SNRNP70: variants seen among roughly 807,000 people sequenced by gnomAD.
SNRNP70 encodes U1 small nuclear ribonucleoprotein 70 kDa.
In SNRNP70, 8 loss-of-function variants were observed where a neutral mutation model predicts 50.5. That is an observed-to-expected ratio of 0.16 (90% CI 0.09 to 0.29). The LOEUF (loss-of-function observed/expected upper bound fraction) is 0.29. Ranked by LOEUF, SNRNP70 falls within the 10% of genes least tolerant of loss-of-function variation. The pLI, the probability that SNRNP70 is intolerant of heterozygous loss-of-function variation, is 1.00. For synonymous variants in SNRNP70, 320 were observed against 252.9 expected (o/e 1.27, Z -2.52); for missense variants, 529 against 663.5 (o/e 0.80, Z 2.23).
chr19:49,095,403 A>C (rs1180235851), intron 4 of SNRNP70, among the ~76,000 whole-genome samples: 1 of 152,156 alleles, frequency 6.6e-6, no homozygotes, highest in East Asian at 1.9e-4. Context: ...ATTAAATGTT[A>C]GCATCTTGTG....
rs1400938406 is a variant in SNRNP70, at chr19:49,098,418, C to T, written c.266-9C>T. The stretch of plus-strand genomic sequence containing the variant: ...CTTCAACTTATAAAATTCCTTTCTT[C>T]CTGCACAGGGGACCCTCACAATGAT... On this transcript the variant is annotated splice_polypyrimidine_tract_variant and intron_variant, in intron 4 of 9. Coordinates refer to ENST00000598441, the MANE Select transcript of SNRNP70 (RefSeq NM_003089.6). 21 of 1,608,352 alleles carry T rather than the reference C, an allele frequency of 1.3e-5. No individual in the cohort carries two copies. Among genetic ancestry groups the T allele is most frequent in the Non-Finnish European group, 1.8e-5 (21 of 1,177,146 alleles).
chr19:49,089,587 T>G (rs2040422926), intron 2 of SNRNP70, among the ~76,000 whole-genome samples: 2 of 151,776 alleles, frequency 1.3e-5, no homozygotes, highest in African/African-American at 4.8e-5. Flanking sequence ...CTGGTTTCTG[T>G]ACTTATCACA....
chr19:49,087,885 G>C (rs1424545028), intron 2 of SNRNP70: 2 of 152,176 alleles, frequency 1.3e-5, no homozygotes, highest in Non-Finnish European at 2.9e-5. Context: ...CTTTGATGAT[G>C]CAGGTCATGT....
intron 4 of SNRNP70, among the ~76,000 whole-genome samples, chr19:49,096,950 C>T (rs894406044): frequency 3.0e-4 from 46 of 151,574 alleles, no homozygotes; most frequent in African/African-American, 8.2e-4. Context: ...GCCAACATGG[C>T]GAAACCCCAT....
At chr19:49,092,526 A>G (rs1030773218) in intron 4 of SNRNP70, among the ~76,000 whole-genome samples, 32 of 151,996 alleles carry the variant, frequency 2.1e-4, no homozygotes, top group African/African-American at 7.0e-4. Flanking sequence ...CTCCTGCCTC[A>G]GCCTTCTGAG....
At chr19:49,086,275 T>A (rs2040378228) in intron 1 of SNRNP70, 130 bp from the exon 2 acceptor site, 1 of 1,051,618 alleles carries the variant, frequency 9.5e-7, no homozygotes. Flanking sequence ...GACTGTTCTC[T>A]GCCCTTACAG....
rs1260834199 is a variant in SNRNP70 at position 49,108,137 on chromosome 19, G to GCCTGACGGC, written c.1017_1025dup (p.Asp341_Pro343dup). Reference sequence around the variant, plus strand: ...ATGATGGGCCTCCAGGGGAGCTCGGGCCTGACGGCCCTGACGGTCCAGAGG... The same window carrying GCCTGACGGC: ...ATGATGGGCCTCCAGGGGAGCTCGGGCCTGACGGCCCTGACGGCCCTGACGGTCCAGAGG... On this transcript the variant is annotated inframe_insertion, in exon 10 of 10. Coordinates refer to ENST00000598441, the MANE Select transcript of SNRNP70 (RefSeq NM_003089.6). 3.2e-6 allele frequency: 5 copies of GCCTGACGGC among 1,544,612 alleles called. No homozygotes were observed. The highest frequency in any genetic ancestry group is 4.1e-5 in the Admixed American group (2 of 48,324).
intron 4 of SNRNP70, among the ~76,000 whole-genome samples, chr19:49,095,987 A>G (rs2040507958): frequency 6.6e-6 from 1 of 151,930 alleles, no homozygotes; most frequent in Admixed American, 6.6e-5. Context: ...AAAAAAAAAA[A>G]AAAAAAAGCC....
chr19:49,090,566 C>G, intron 4 of SNRNP70, 46 bp downstream of exon 4: 1 of 1,576,132 alleles, frequency 6.3e-7, no homozygotes, highest in Non-Finnish European at 8.7e-7. Context: ...CCCAAACCCT[C>G]TGTATTCTTC....
chr19:49,104,999 C>T lies in SNRNP70; in HGVS notation c.577+264C>T, dbSNP rs1319751691. ...CGTCCGCCCTTGCTAGCTGGGGGTC[C>T]CCTTTTCCTGCCTCATTGTACTCCT... On this transcript the variant is annotated intron_variant, in intron 8 of 9. Transcript: ENST00000598441. This position sits in a 1 kb window ranked among gnomAD's most constrained non-coding sequence, Gnocchi z 5.4. 1.3e-5 allele frequency among the ~76,000 whole-genome samples: 2 copies of T among 152,152 alleles called. No individual in the cohort carries two copies. The highest frequency in any genetic ancestry group is 2.9e-5 in the Non-Finnish European group (2 of 68,036).
chr19:49,104,564 G>A lies in SNRNP70; in HGVS notation c.476-70G>A, dbSNP rs753709136. ...GGACACGGGGCGGGGATTCTGTAGAGCTGGGCCTGTCCTGACTAGAGGACC... is the reference window on the plus strand; with the variant it reads ...GGACACGGGGCGGGGATTCTGTAGAACTGGGCCTGTCCTGACTAGAGGACC... On this transcript the variant is annotated intron_variant, in intron 7 of 9. Transcript: ENST00000598441. This position sits in a 1 kb window ranked among gnomAD's most constrained non-coding sequence, Gnocchi z 5.4. The A allele has an allele frequency of 1.4e-5, 17 of 1,181,144 alleles. No individual in the cohort carries two copies. The South Asian group carries it at 2.1e-4, about 15-fold the overall frequency. 73.2% of individuals were successfully genotyped at this position (1,181,144 alleles called of 1,614,324 possible).
Position 49,098,626 on chromosome 19 carries a change from A to G in SNRNP70, c.331-16A>G. 1 of 1,612,824 alleles carries G rather than the reference A, an allele frequency of 6.2e-7. No individual in the cohort carries two copies. On this transcript the variant is annotated splice_polypyrimidine_tract_variant and intron_variant, in intron 5 of 9. Coordinates refer to ENST00000598441, the MANE Select transcript of SNRNP70 (RefSeq NM_003089.6). Reference sequence around the variant, plus strand: ...GCTCTGTTCTCCCATTTAACGTCATATCCATCTCCTTGTAGAATTATGACA... The same window carrying G: ...GCTCTGTTCTCCCATTTAACGTCATGTCCATCTCCTTGTAGAATTATGACA...
chr19:49,105,471 G>A (rs1213348045), intron 8 of SNRNP70, among the ~76,000 whole-genome samples: 1 of 152,026 alleles, frequency 6.6e-6, no homozygotes, highest in African/African-American at 2.4e-5. Flanking sequence ...TGGCTCGCCT[G>A]TAATCCCAGC....
At chr19:49,098,782 T>G in intron 6 of SNRNP70, 78 bp downstream of exon 6, 153 of 1,113,098 alleles carry the variant, frequency 1.4e-4, no homozygotes, top group Non-Finnish European at 1.9e-4. Context: ...GGGAGAGAGG[T>G]CCCAGCCCTG....
At position 49,107,491 on chromosome 19, in the gene SNRNP70, C is replaced by CG. The variant is rs1192401714; in HGVS notation, c.578-128dup. The stretch of plus-strand genomic sequence containing the variant: ...ATGGGAGTGCGCGGGATGAACTGCA[C>CG]GGGGGGACCCGGCCCTGTGAACACT... On this transcript the variant is annotated intron_variant, in intron 8 of 9. Transcript: ENST00000598441. This position sits in a 1 kb window ranked among gnomAD's most constrained non-coding sequence, Gnocchi z 6.0. The CG allele has an allele frequency of 3.9e-6, 3 of 760,326 alleles. No individual in the cohort carries two copies. The highest frequency in any genetic ancestry group is 4.5e-6 in the Non-Finnish European group (2 of 448,906). 47.1% of individuals were successfully genotyped at this position (760,326 alleles called of 1,614,324 possible).
chr19:49,093,678 CAAAAAAAAAAAA>C (rs1270724114), intron 4 of SNRNP70, among the ~76,000 whole-genome samples: 11 of 64,186 alleles, frequency 1.7e-4, no homozygotes, highest in Admixed American at 1.4e-3. Context: ...GATTCCATCT[CAAAAAAAAAAAA>C]AACAAAAAAA....
chr19:49,104,824 C>T lies in SNRNP70; in HGVS notation c.577+89C>T. 1 of 782,094 alleles carries T rather than the reference C, an allele frequency of 1.3e-6. No individual in the cohort carries two copies. The allele number at this position is 782,094 out of a possible 1,614,324, so 48.4% of individuals were successfully genotyped here. On this transcript the variant is annotated intron_variant, in intron 8 of 9. Coordinates refer to ENST00000598441, the MANE Select transcript of SNRNP70 (RefSeq NM_003089.6). This position sits in a 1 kb window ranked among gnomAD's most constrained non-coding sequence, Gnocchi z 5.4. ...TCTCTGCTGCTTTCTGCTTCTCTGT[C>T]TCCTGCCGGCCCACCTCTCCCATCG...
rs558073648 is a variant in SNRNP70 at position 49,102,236 on chromosome 19, C to T, written c.475+765C>T. 100 of 1,243,598 alleles carry T rather than the reference C, an allele frequency of 8.0e-5. 1 individual carries two copies. The South Asian group carries it at 1.2e-3, about 15-fold the overall frequency. The allele number at this position is 1,243,598 out of a possible 1,614,324, so 77.0% of individuals were successfully genotyped here. ...AGCACCGCACACCAGCCCAGCTTAG[C>T]CAGGCAGCTCAGGAGCAGCGAGGCG... On this transcript the variant is annotated intron_variant, in intron 7 of 9. Transcript: ENST00000598441.
At position 49,104,507 on chromosome 19, in the gene SNRNP70, T is replaced by C; in HGVS notation, c.476-127T>C. 1 of 717,164 alleles carries C rather than the reference T, an allele frequency of 1.4e-6. No individual in the cohort carries two copies. Among genetic ancestry groups the C allele is most frequent in the South Asian group, 1.6e-5 (1 of 63,848 alleles). The allele number at this position is 717,164 out of a possible 1,614,324, so 44.4% of individuals were successfully genotyped here. ...GGTCTGGCTGTCAGTTGCCTGGCTG[T>C]CTGTTGGGCGTGTGCGTGTGCGTGA... On this transcript the variant is annotated intron_variant, in intron 7 of 9. Transcript: ENST00000598441. This position sits in a 1 kb window ranked among gnomAD's most constrained non-coding sequence, Gnocchi z 5.4.
Sources: gnomAD v4.1 joint callset for allele counts (sites outside exome capture counted in the v4.1 genomes callset) on GRCh38, gnomAD v4.1.1 for gene constraint, Gnocchi (gnomAD v3.1) non-coding constraint, MANE v1.5 for transcripts, NCBI Gene and HGNC (gene_info 2026-07-23, HGNC 2026-07-21) for gene names.